The following RBFOX1 variants were observed in gnomAD, a reference collection of about 807,000 sequenced individuals.
The protein encoded by RBFOX1 is RNA binding protein fox-1 homolog 1.
A neutral mutation model predicts 57.7 loss-of-function variants in RBFOX1; 8 were observed. The observed-to-expected ratio is 0.14, with a 90% CI of 0.08 to 0.25. The LOEUF (loss-of-function observed/expected upper bound fraction) is 0.25. RBFOX1 is among the 10% of genes least tolerant of loss of function. The pLI, the probability that RBFOX1 is intolerant of heterozygous loss-of-function variation, is 1.00. For missense variants in RBFOX1, 611 were observed against 548.5 expected, an observed-to-expected ratio of 1.11 and a Z score of -1.14; for synonymous variants, 326 against 222.4, an observed-to-expected ratio of 1.47 and a Z score of -4.15.
At chr16:6,348,653 C>A (rs1456020984) in intron 2 of RBFOX1, among the ~76,000 whole-genome samples, 2 of 152,156 alleles carry the variant, frequency 1.3e-5, no homozygotes, top group African/African-American at 4.8e-5. Flanking sequence ...CAGGAGGAGG[C>A]ATCTCAGAGC....
At chr16:6,892,403 C>G (rs990498745) in intron 3 of RBFOX1, among the ~76,000 whole-genome samples, 4 of 152,128 alleles carry the variant, frequency 2.6e-5, no homozygotes, top group African/African-American at 9.7e-5. Context: ...GGCATGGTGG[C>G]TCACACCTAT....
intron 2 of RBFOX1, among the ~76,000 whole-genome samples, chr16:5,581,736 C>G (rs565681243): frequency 2.6e-5 from 4 of 152,174 alleles, no homozygotes; most frequent in African/African-American, 4.8e-5. Context: ...AAAAGAAACA[C>G]TGTATAGTTG....
intron 3 of RBFOX1, among the ~76,000 whole-genome samples, chr16:6,867,016 T>A (rs1603634305): frequency 7.1e-6 from 1 of 140,816 alleles, no homozygotes. Context: ...AGCTGTTCTT[T>A]AAAAAAAAAA....
At chr16:5,711,156 G>A (rs1384165247) in intron 3 of RBFOX1, among the ~76,000 whole-genome samples, 2 of 152,198 alleles carry the variant, frequency 1.3e-5, no homozygotes, top group Admixed American at 6.5e-5. Flanking sequence ...TTATTAATTT[G>A]ATGTAGTAAA....
intron 3 of RBFOX1, among the ~76,000 whole-genome samples, chr16:5,685,019 G>C (rs947356622): frequency 1.3e-5 from 2 of 152,156 alleles, no homozygotes; most frequent in African/African-American, 4.8e-5. Flanking sequence ...TTAGGATCTG[G>C]TGTAAAGTGC....
At chr16:6,964,134 C>T (rs2083589345) in intron 3 of RBFOX1, among the ~76,000 whole-genome samples, 2 of 152,168 alleles carry the variant, frequency 1.3e-5, no homozygotes, top group Non-Finnish European at 2.9e-5. Context: ...TCTCCTGCCT[C>T]AGCCTCCCAA....
intron 3 of RBFOX1, among the ~76,000 whole-genome samples, chr16:6,839,600 C>T (rs1206740478): frequency 6.6e-6 from 1 of 152,134 alleles, no homozygotes; most frequent in Middle Eastern, 3.2e-3. Flanking sequence ...TTGAACTTGT[C>T]TTTCGGGGAC....
chr16:6,610,005 C>CACAAAACGAA (rs1555610406), intron 2 of RBFOX1, among the ~76,000 whole-genome samples: 4 of 145,350 alleles, frequency 2.8e-5, no homozygotes, highest in Non-Finnish European at 6.0e-5. Context: ...GAGGCTCTGA[C>CACAAAACGAA]ACAAAACAAA....
chr16:7,551,396 G>A (rs1028320944), intron 5 of RBFOX1, among the ~76,000 whole-genome samples: 1 of 152,154 alleles, frequency 6.6e-6, no homozygotes, highest in Non-Finnish European at 1.5e-5. Context: ...CCTTGAGAGG[G>A]TCTCTAAGCC....
At chr16:6,663,621 G>A (rs1441147096) in intron 3 of RBFOX1, among the ~76,000 whole-genome samples, 3 of 152,196 alleles carry the variant, frequency 2.0e-5, no homozygotes, top group Non-Finnish European at 2.9e-5. Flanking sequence ...TGCTGTGAGC[G>A]CCCATCTGGA....
At chr16:7,077,846 A>C (rs112531978) in intron 4 of RBFOX1, among the ~76,000 whole-genome samples, 3 of 152,108 alleles carry the variant, frequency 2.0e-5, no homozygotes, top group Non-Finnish European at 2.9e-5. Flanking sequence ...GCTACAACCA[A>C]TTTCTCCCAG....
intron 2 of RBFOX1, among the ~76,000 whole-genome samples, chr16:6,649,584 TAG>T (rs1568040638): frequency 6.6e-6 from 1 of 152,200 alleles, no homozygotes; most frequent in African/African-American, 2.4e-5. Context: ...CCTCATCGCT[TAG>T]CTCCCACTTA....
At chr16:6,418,032 C>T (rs1040791408) in intron 2 of RBFOX1, among the ~76,000 whole-genome samples, 1 of 152,134 alleles carries the variant, frequency 6.6e-6, no homozygotes, top group Non-Finnish European at 1.5e-5. Flanking sequence ...ACAGGCCAAG[C>T]CTTCAAACAA....
At chr16:5,774,711 C>G (rs1416257939) in intron 3 of RBFOX1, among the ~76,000 whole-genome samples, 1 of 152,140 alleles carries the variant, frequency 6.6e-6, no homozygotes, top group Non-Finnish European at 1.5e-5. Context: ...TAGATAAAGT[C>G]TCACTCTCTC....
At chr16:6,416,873 A>G (rs1346008089) in intron 2 of RBFOX1, among the ~76,000 whole-genome samples, 2 of 152,212 alleles carry the variant, frequency 1.3e-5, no homozygotes, top group African/African-American at 2.4e-5. Context: ...TGACTAAGGA[A>G]GTAATGATGG....
chr16:5,848,380 C>T (rs189592835), intron 3 of RBFOX1, among the ~76,000 whole-genome samples: 23 of 152,232 alleles, frequency 1.5e-4, no homozygotes, highest in Admixed American at 4.6e-4. Context: ...CGGGTGCCTT[C>T]CCCACTGAGG....
At chr16:6,917,614 G>T (rs2073500722) in intron 3 of RBFOX1, among the ~76,000 whole-genome samples, 3 of 152,094 alleles carry the variant, frequency 2.0e-5, no homozygotes, top group South Asian at 2.1e-4. Context: ...CTCCCTTCCT[G>T]CCTTCTACAC....
chr16:6,126,124 C>A (rs1418095465), intron 1 of RBFOX1, among the ~76,000 whole-genome samples: 6 of 152,176 alleles, frequency 3.9e-5, no homozygotes, highest in African/African-American at 1.4e-4. Context: ...TTCGTTTCCA[C>A]TTCAGCCAGG....
intron 3 of RBFOX1, among the ~76,000 whole-genome samples, chr16:7,019,312 G>C (rs1323425845): frequency 1.3e-5 from 2 of 152,030 alleles, no homozygotes; most frequent in African/African-American, 4.8e-5. Flanking sequence ...AGGATGAAAA[G>C]GGATCCAATT....
Sources: allele counts gnomAD v4.1 joint callset (sites outside exome capture counted in the v4.1 genomes callset), GRCh38; gene constraint gnomAD v4.1.1; transcripts MANE v1.5; gene names NCBI Gene and HGNC (gene_info 2026-07-23, HGNC 2026-07-21).